Variants in SLC35F1 observed in about 807,000 individuals in gnomAD.
SLC35F1 encodes solute carrier family 35 member F1.
A neutral mutation model predicts 48.7 loss-of-function variants in SLC35F1; 14 were observed. The ratio of observed to expected loss-of-function variants is 0.29; its 90% confidence interval spans 0.19 to 0.45. The LOEUF is 0.45. Ranked by LOEUF, SLC35F1 falls within the 20% of genes least tolerant of loss-of-function variation. The probability of loss-of-function intolerance (pLI) is 1.00; values close to 1 mark genes in which losing one functional copy is unlikely to be tolerated. For synonymous variants in SLC35F1, 190 were observed against 202.2 expected (o/e 0.94, Z 0.51); for missense variants, 404 against 500.0 (o/e 0.81, Z 1.83).
chr6:118,127,668 A>T (rs1166185640), intron 1 of SLC35F1, among the ~76,000 whole-genome samples: 1 of 151,966 alleles, frequency 6.6e-6, no homozygotes, highest in Non-Finnish European at 1.5e-5. Flanking sequence ...TTCAAGATGG[A>T]TTAAAGACTT....
intron 2 of SLC35F1, among the ~76,000 whole-genome samples, chr6:118,207,884 C>A (rs1774955679): frequency 6.6e-6 from 1 of 152,096 alleles, no homozygotes; most frequent in African/African-American, 2.4e-5. Flanking sequence ...AATTAGCTAC[C>A]TGGTATGAAT....
At chr6:118,297,569 C>G (rs1277289561) in intron 7 of SLC35F1, among the ~76,000 whole-genome samples, 1 of 149,526 alleles carries the variant, frequency 6.7e-6, no homozygotes, top group Non-Finnish European at 1.5e-5. Context: ...AACATGTCTA[C>G]TCTTTAAATT....
intron 7 of SLC35F1, among the ~76,000 whole-genome samples, chr6:118,307,151 A>G (rs1249070486): frequency 6.6e-6 from 1 of 152,188 alleles, no homozygotes; most frequent in African/African-American, 2.4e-5. Context: ...AAATCTTAGC[A>G]ATGATTTGGT....
chr6:118,191,666 G>T (rs1391566543), intron 2 of SLC35F1, among the ~76,000 whole-genome samples: 2 of 152,088 alleles, frequency 1.3e-5, no homozygotes, highest in African/African-American at 4.8e-5. Context: ...GATTGTAAAG[G>T]GGTTGAATGT....
At chr6:117,949,036 G>A (rs530918910) in intron 1 of SLC35F1, among the ~76,000 whole-genome samples, 2 of 152,116 alleles carry the variant, frequency 1.3e-5, no homozygotes, top group Non-Finnish European at 2.9e-5. Flanking sequence ...CCCCAAGCGG[G>A]GTGCTATTCA....
At chr6:118,142,132 C>T (rs540310754) in intron 1 of SLC35F1, among the ~76,000 whole-genome samples, 2 of 152,160 alleles carry the variant, frequency 1.3e-5, no homozygotes, top group East Asian at 1.9e-4. Context: ...TTTGTTTTGC[C>T]TGATGTTTTA....
chr6:118,313,844 G>C (rs1425189628), intron 7 of SLC35F1, among the ~76,000 whole-genome samples, 184 bp from the exon 8 acceptor site: 1 of 152,152 alleles, frequency 6.6e-6, no homozygotes, highest in Non-Finnish European at 1.5e-5. Flanking sequence ...GGAAAGATAA[G>C]GAGAATCAAT....
intron 2 of SLC35F1, among the ~76,000 whole-genome samples, chr6:118,203,690 GA>G: frequency 6.6e-6 from 1 of 152,272 alleles, no homozygotes; most frequent in Non-Finnish European, 1.5e-5. Flanking sequence ...CACCAGAGGA[GA>G]AAAAAACTGC....
intron 1 of SLC35F1, among the ~76,000 whole-genome samples, chr6:118,146,612 A>G (rs1773976690): frequency 6.6e-6 from 1 of 152,178 alleles, no homozygotes; most frequent in African/African-American, 2.4e-5. Context: ...GCAGTTTCAT[A>G]TAAATTTATT....
At position 118,136,667 on chromosome 6, in the gene SLC35F1, T is replaced by G. The variant is rs574096645; in HGVS notation, c.174-17778T>G. 1.7e-4 allele frequency among the ~76,000 whole-genome samples: 26 copies of G among 152,326 alleles called. No individual in the cohort carries two copies. In the South Asian group the frequency reaches 5.4e-3, roughly 32 times the overall value. ...TTCTAGGCATATACTTTTAATAAACTTTCCCATAAGTATCAATGACAGAGT... is the reference window on the plus strand; with the variant it reads ...TTCTAGGCATATACTTTTAATAAACGTTCCCATAAGTATCAATGACAGAGT... On this transcript the variant is annotated intron_variant, in intron 1 of 7. Transcript: ENST00000360388.
At chr6:118,006,715 A>G (rs961130492) in intron 1 of SLC35F1, among the ~76,000 whole-genome samples, 1 of 152,220 alleles carries the variant, frequency 6.6e-6, no homozygotes, top group Non-Finnish European at 1.5e-5. Flanking sequence ...TTATCATTAA[A>G]AAATTGACAT....
chr6:118,111,533 C>A (rs1773399635), intron 1 of SLC35F1, among the ~76,000 whole-genome samples: 1 of 152,120 alleles, frequency 6.6e-6, no homozygotes, highest in South Asian at 2.1e-4. Context: ...CAAAGACTTT[C>A]TCAGACAAAG....
chr6:118,080,207 T>C (rs1043166589), intron 1 of SLC35F1, among the ~76,000 whole-genome samples: 2 of 152,216 alleles, frequency 1.3e-5, no homozygotes, highest in African/African-American at 4.8e-5. Context: ...ATCAAAGTAA[T>C]ATGTCAAAAC....
chr6:118,019,409 G>A (rs1316824265), intron 1 of SLC35F1, among the ~76,000 whole-genome samples: 2 of 152,086 alleles, frequency 1.3e-5, no homozygotes, highest in Non-Finnish European at 2.9e-5. Context: ...ATCACTTGAG[G>A]TCAGAAGTTC....
chr6:118,303,662 AAGCAGTAGACTAC>A (rs1423155151), intron 7 of SLC35F1, among the ~76,000 whole-genome samples: 1 of 152,216 alleles, frequency 6.6e-6, no homozygotes, highest in African/African-American at 2.4e-5. Context: ...AATACTTCGG[AAGCAGTAGACTAC>A]AGCTTTGTTT....
intron 1 of SLC35F1, among the ~76,000 whole-genome samples, chr6:118,015,013 A>G (rs537791161): frequency 6.6e-6 from 1 of 152,296 alleles, no homozygotes; most frequent in African/African-American, 2.4e-5. Context: ...CAGTTCCCCC[A>G]TACTGTTCTC....
intron 1 of SLC35F1, among the ~76,000 whole-genome samples, chr6:117,942,602 C>A (rs1009085927): frequency 5.3e-5 from 8 of 152,248 alleles, no homozygotes; most frequent in South Asian, 2.1e-4. Flanking sequence ...TATTATTCAA[C>A]TTTCTGGCAT....
chr6:118,185,974 TC>T (rs1183730079), intron 2 of SLC35F1, among the ~76,000 whole-genome samples: 4 of 152,172 alleles, frequency 2.6e-5, no homozygotes, highest in Non-Finnish European at 5.9e-5. Context: ...TTATTAATCC[TC>T]CCTCCCAAAA....
intron 2 of SLC35F1, among the ~76,000 whole-genome samples, chr6:118,191,864 A>G (rs891372493): frequency 4.6e-5 from 7 of 152,196 alleles, no homozygotes; most frequent in Non-Finnish European, 1.0e-4. Flanking sequence ...AAACAAATGT[A>G]CTTGAGGCTT....
Sources: allele counts gnomAD v4.1 joint callset (sites outside exome capture counted in the v4.1 genomes callset), GRCh38; gene constraint gnomAD v4.1.1; transcripts MANE v1.5; gene names NCBI Gene and HGNC (gene_info 2026-07-23, HGNC 2026-07-21).